CTNNA1: variants seen among roughly 807,000 people sequenced by gnomAD.
The protein encoded by CTNNA1 is catenin alpha-1.
CTNNA1 carries 37 observed loss-of-function variants against 98.4 expected under a neutral mutation model. The ratio of observed to expected loss-of-function variants is 0.38; its 90% CI spans 0.29 to 0.49. CTNNA1 has a LOEUF of 0.49. Among genes scored for constraint, CTNNA1 ranks in the 20% least tolerant of loss-of-function variants. The pLI is 0.95. For missense variants in CTNNA1, 761 were observed against 1,147.2 expected (o/e 0.66, Z 4.86); for synonymous variants, 404 against 413.2 (o/e 0.98, Z 0.27).
chr5:138,767,077 T>G (rs954662797), intron 1 of CTNNA1, among the ~76,000 whole-genome samples: 3 of 152,068 alleles, frequency 2.0e-5, no homozygotes, highest in Non-Finnish European at 2.9e-5. Context: ...CGCTCTGTCG[T>G]CCAGGCTGGA....
At chr5:138,818,463 T>C (rs551126328) in intron 5 of CTNNA1, among the ~76,000 whole-genome samples, 6 of 152,310 alleles carry the variant, frequency 3.9e-5, no homozygotes, top group African/African-American at 1.4e-4. Context: ...TCTGTGCATG[T>C]GGTGGGACAA....
chr5:138,904,314 G>T (rs1561699384), intron 9 of CTNNA1, 35 bp from the exon 10 acceptor site: 8 of 1,593,046 alleles, frequency 5.0e-6, no homozygotes, highest in Admixed American at 3.5e-5. Flanking sequence ...AGTCAAAAGA[G>T]AAAAATCTTT....
At chr5:138,844,749 G>A (rs377320253) in intron 7 of CTNNA1, among the ~76,000 whole-genome samples, 1 of 152,212 alleles carries the variant, frequency 6.6e-6, no homozygotes, top group East Asian at 1.9e-4. Context: ...TTATTATAAA[G>A]CACTAGAGCA....
chr5:138,764,829 T>C (rs1752736714), intron 1 of CTNNA1, among the ~76,000 whole-genome samples: 1 of 151,684 alleles, frequency 6.6e-6, no homozygotes, highest in African/African-American at 2.4e-5. Context: ...TTCTAGTTGC[T>C]TTGAGTTAGT....
intron 3 of CTNNA1, among the ~76,000 whole-genome samples, chr5:138,789,852 C>G (rs886902594): frequency 2.6e-5 from 4 of 152,176 alleles, no homozygotes; most frequent in Non-Finnish European, 5.9e-5. Context: ...TTGAATGTAT[C>G]AAGTGACACA....
At chr5:138,764,728 C>T (rs1247409344) in intron 1 of CTNNA1, among the ~76,000 whole-genome samples, 2 of 151,956 alleles carry the variant, frequency 1.3e-5, no homozygotes, top group Admixed American at 6.6e-5. Flanking sequence ...ACCTCAGCCT[C>T]CCAAAGTGCT....
At chr5:138,922,090 A>C (rs2150266478) in intron 11 of CTNNA1, among the ~76,000 whole-genome samples, 1 of 152,296 alleles carries the variant, frequency 6.6e-6, no homozygotes, top group South Asian at 2.1e-4. Context: ...GGGTACAAAG[A>C]AGAGGCTCTA....
intron 13 of CTNNA1, 142 bp downstream of exon 13, chr5:138,925,549 T>C: frequency 5.7e-6 from 7 of 1,234,056 alleles, no homozygotes; most frequent in Non-Finnish European, 7.6e-6. Flanking sequence ...ATGAGATATA[T>C]TTAATTACGT....
At chr5:138,887,862 T>G (rs1561657844) in intron 9 of CTNNA1, 1 of 373,576 alleles carries the variant, frequency 2.7e-6, no homozygotes, top group Non-Finnish European at 4.8e-6. Flanking sequence ...GTTCCTATCC[T>G]AGAAGCCTAA....
intron 3 of CTNNA1, among the ~76,000 whole-genome samples, chr5:138,801,813 C>A (rs1041070808): frequency 6.6e-6 from 1 of 152,102 alleles, no homozygotes; most frequent in African/African-American, 2.4e-5. Flanking sequence ...AAGTGATAGA[C>A]CTGGAATTGA....
intron 5 of CTNNA1, among the ~76,000 whole-genome samples, chr5:138,818,184 C>T (rs1458572804): frequency 5.4e-5 from 8 of 149,226 alleles, no homozygotes; most frequent in African/African-American, 1.7e-4. Flanking sequence ...GGCCAGAGTG[C>T]AGTGGCATTT....
At position 138,812,661 on chromosome 5, in the gene CTNNA1, T is replaced by A. The variant is rs944682681; in HGVS notation, c.588+359T>A. Among the ~76,000 whole-genome samples the A allele has an allele frequency of 2.0e-5, 3 of 152,230 alleles. No homozygotes were observed. In the South Asian group the frequency reaches 6.2e-4, roughly 31 times the overall value. On this transcript the variant is annotated intron_variant, in intron 5 of 17. Coordinates refer to ENST00000302763, the MANE Select transcript of CTNNA1 (RefSeq NM_001903.5). Reference sequence around the variant, plus strand: ...AAAATCTTAATCCATTTAAATATACTGGAATTATCTCTGTATCAGAAAGTA... The same window carrying A: ...AAAATCTTAATCCATTTAAATATACAGGAATTATCTCTGTATCAGAAAGTA...
chr5:138,764,587 T>C (rs1306054210), intron 1 of CTNNA1, among the ~76,000 whole-genome samples: 1 of 151,864 alleles, frequency 6.6e-6, no homozygotes, highest in Non-Finnish European at 1.5e-5. Flanking sequence ...TTCTCCTGCC[T>C]TAGCCTCCCG....
At chr5:138,836,750 T>C (rs888021322) in intron 7 of CTNNA1, among the ~76,000 whole-genome samples, 1 of 152,216 alleles carries the variant, frequency 6.6e-6, no homozygotes, top group African/African-American at 2.4e-5. Context: ...CACTTTGTGC[T>C]GTTTAGCCAT....
chr5:138,916,779 AT>A (rs35034209), intron 10 of CTNNA1, among the ~76,000 whole-genome samples: 10 of 147,378 alleles, frequency 6.8e-5, no homozygotes, highest in Non-Finnish European at 7.5e-5. Context: ...TATTTTATTT[AT>A]TTTTTTTTTG....
intron 9 of CTNNA1, among the ~76,000 whole-genome samples, chr5:138,893,091 T>G (rs1755864927): frequency 6.6e-6 from 1 of 152,190 alleles, no homozygotes; most frequent in Admixed American, 6.5e-5. Flanking sequence ...ATCTAGATGA[T>G]TTCCCTGAGC....
At position 138,783,179 on chromosome 5, in the gene CTNNA1, T is replaced by C. The variant is rs1199236107; in HGVS notation, c.108T>C (p.Val36=). 1 of 1,593,524 alleles carries C rather than the reference T, an allele frequency of 6.3e-7. No homozygotes were observed. The highest frequency in any genetic ancestry group is 8.6e-7 in the Non-Finnish European group (1 of 1,169,258). ...AATGTTAAAAATGAAACTTTTAGGT[T>C]ACAACCCTTGTAAACACCAATAGTA... The part of the protein sequence containing the change: ...ERLLEPLVTQ[V]TTLVNTNSKG... Residue 36 remains valine, a splice_region_variant and synonymous_variant, in exon 3 of 18, where the codon GTT becomes GTC. Coordinates refer to ENST00000302763, the MANE Select transcript of CTNNA1 (RefSeq NM_001903.5).
chr5:138,911,458 A>ACC lies in CTNNA1; in HGVS notation c.1390-6276_1390-6275dup, dbSNP rs142142608. Reference sequence around the variant, plus strand: ...AGATTATCCTAGATTATCCCAGTGGACCCCCCCCCAATATAATCATAAGTG... The same window carrying ACC: ...AGATTATCCTAGATTATCCCAGTGGACCCCCCCCCCCAATATAATCATAAGTG... On this transcript the variant is annotated intron_variant, in intron 10 of 17. Transcript: ENST00000302763. Among the ~76,000 whole-genome samples, 234 of 147,880 alleles carry ACC rather than the reference A, an allele frequency of 1.6e-3. 2 individuals carry two copies. The highest frequency in any genetic ancestry group is 5.1e-3 in the African/African-American group (207 of 40,258).
chr5:138,866,284 T>G (rs1764766653), intron 7 of CTNNA1, among the ~76,000 whole-genome samples: 1 of 131,460 alleles, frequency 7.6e-6, no homozygotes. Context: ...ATTTATTTAT[T>G]TATTTATTTA....
Sources: allele counts gnomAD v4.1 joint callset (sites outside exome capture counted in the v4.1 genomes callset), GRCh38; gene constraint gnomAD v4.1.1; transcripts MANE v1.5; gene names NCBI Gene and HGNC (gene_info 2026-07-23, HGNC 2026-07-21).